The following NRG3 variants were observed in gnomAD, a reference collection of about 807,000 sequenced individuals.
NRG3 encodes pro-neuregulin-3, membrane-bound isoform.
Under a neutral mutation model 66.9 loss-of-function variants are expected in NRG3, and 31 were observed. The observed-to-expected ratio is 0.46, with a 90% confidence interval of 0.35 to 0.63. The LOEUF (loss-of-function observed/expected upper bound fraction) is 0.63, where lower values mean the gene tolerates loss of function less well. Ranked by LOEUF, NRG3 falls within the 20% of genes least tolerant of loss-of-function variation. The probability of loss-of-function intolerance (pLI) is 0.00; values close to 1 mark genes in which losing one functional copy is unlikely to be tolerated. For missense variants in NRG3, 910 were observed against 878.9 expected (o/e 1.04, Z -0.45); for synonymous variants, 393 against 359.4 (o/e 1.09, Z -1.06).
chr10:81,885,007 GTACAACGGATCTC>G (rs1428590051), intron 1 of NRG3, among the ~76,000 whole-genome samples: 14 of 152,182 alleles, frequency 9.2e-5, no homozygotes, highest in Middle Eastern at 3.4e-3. Flanking sequence ...GTACTATGTT[GTACAACGGATCTC>G]TAGAACTTAT....
chr10:82,860,438 G>A (rs1371362334), intron 3 of NRG3, among the ~76,000 whole-genome samples: 4 of 152,132 alleles, frequency 2.6e-5, no homozygotes, highest in African/African-American at 9.7e-5. Context: ...TAAACTTTGA[G>A]TATAACTGGT....
intron 2 of NRG3, among the ~76,000 whole-genome samples, chr10:82,578,887 A>T (rs1260820051): frequency 6.6e-6 from 1 of 151,924 alleles, no homozygotes; most frequent in Non-Finnish European, 1.5e-5. Context: ...GTTCAAATTA[A>T]CTTATTCTAC....
chr10:82,236,010 A>G (rs1364428025), intron 1 of NRG3, among the ~76,000 whole-genome samples: 1 of 152,046 alleles, frequency 6.6e-6, no homozygotes, highest in East Asian at 1.9e-4. Flanking sequence ...ACACAGACAC[A>G]CACACACATA....
At chr10:81,980,155 T>A (rs2060281012) in intron 1 of NRG3, among the ~76,000 whole-genome samples, 1 of 152,210 alleles carries the variant, frequency 6.6e-6, no homozygotes, top group Non-Finnish European at 1.5e-5. Flanking sequence ...TTTAATTGTA[T>A]CTTGATAAAG....
At chr10:82,389,434 AC>A (rs1554904472) in intron 2 of NRG3, among the ~76,000 whole-genome samples, 4 of 152,282 alleles carry the variant, frequency 2.6e-5, no homozygotes, top group East Asian at 1.9e-4. Flanking sequence ...ATTTTACTTC[AC>A]ATTCTCATAT....
intron 1 of NRG3, among the ~76,000 whole-genome samples, chr10:82,133,623 G>A (rs2069102362): frequency 6.6e-6 from 1 of 152,090 alleles, no homozygotes; most frequent in Non-Finnish European, 1.5e-5. Flanking sequence ...AGTATTCCAT[G>A]GTGTATATGT....
intron 8 of NRG3, among the ~76,000 whole-genome samples, chr10:82,979,361 C>T (rs537044173): frequency 6.6e-6 from 1 of 151,712 alleles, no homozygotes; most frequent in South Asian, 2.1e-4. Context: ...GTAAGTGTAG[C>T]TCTCTAGGCA....
intron 5 of NRG3, among the ~76,000 whole-genome samples, chr10:82,952,828 A>G (rs1849671669): frequency 6.6e-6 from 1 of 151,962 alleles, no homozygotes; most frequent in Admixed American, 6.5e-5. Flanking sequence ...TTAAAATAAC[A>G]GAAACTTGAG....
intron 1 of NRG3, among the ~76,000 whole-genome samples, chr10:82,078,943 A>C (rs1243825286): frequency 6.6e-6 from 1 of 152,210 alleles, no homozygotes; most frequent in African/African-American, 2.4e-5. Flanking sequence ...TGGATTTTGC[A>C]AACAGTGGTG....
At chr10:82,217,499 G>T (rs1456346646) in intron 1 of NRG3, among the ~76,000 whole-genome samples, 2 of 152,148 alleles carry the variant, frequency 1.3e-5, no homozygotes, top group Non-Finnish European at 2.9e-5. Flanking sequence ...TCCACCTAAT[G>T]CTTGAGAAGC....
At chr10:82,672,304 G>A (rs2053346532) in intron 2 of NRG3, among the ~76,000 whole-genome samples, 1 of 152,214 alleles carries the variant, frequency 6.6e-6, no homozygotes, top group Non-Finnish European at 1.5e-5. Flanking sequence ...CAGAGCACAG[G>A]AGAGGGGTGG....
At chr10:82,660,801 C>A (rs2052298233) in intron 2 of NRG3, among the ~76,000 whole-genome samples, 1 of 152,008 alleles carries the variant, frequency 6.6e-6, no homozygotes, top group Non-Finnish European at 1.5e-5. Context: ...CACTTCTTAT[C>A]AGTTTAATTT....
At position 82,569,662 on chromosome 10, in the gene NRG3, A is replaced by G. The variant is rs1205520932; in HGVS notation, c.954-168915A>G. Among the ~76,000 whole-genome samples the G allele has an allele frequency of 7.9e-5, 12 of 151,756 alleles. 1 individual carries two copies. The South Asian group carries it at 2.3e-3, about 29-fold the overall frequency. ...ATTTTATCTTTCTGGTTTTCTGCCT[A>G]TGTCTCCTTTAGCTGACCAGTACAG... On this transcript the variant is annotated intron_variant, in intron 2 of 8. Coordinates refer to ENST00000372141, the MANE Select transcript of NRG3 (RefSeq NM_001010848.4).
At chr10:82,889,043 G>A (rs898189084) in intron 4 of NRG3, among the ~76,000 whole-genome samples, 7 of 152,246 alleles carry the variant, frequency 4.6e-5, no homozygotes, top group East Asian at 1.9e-4. Context: ...GTTATAGTAA[G>A]GAATTTGGTT....
rs2063133126 is a variant in NRG3 at position 82,842,935 on chromosome 10, T to A, written c.1028-22476T>A. Among the ~76,000 whole-genome samples, 3 of 152,334 alleles carry A rather than the reference T, an allele frequency of 2.0e-5. No individual in the cohort carries two copies. The South Asian group carries it at 6.2e-4, about 32-fold the overall frequency. On this transcript the variant is annotated intron_variant, in intron 3 of 8. Coordinates refer to ENST00000372141, the MANE Select transcript of NRG3 (RefSeq NM_001010848.4). The stretch of plus-strand genomic sequence containing the variant: ...GCACACCTATGATAAAGTTAATTTA[T>A]AAATTAGGCACAGTAAGAGATTAAC...
At chr10:82,592,843 G>T (rs1268235002) in intron 2 of NRG3, among the ~76,000 whole-genome samples, 2 of 152,152 alleles carry the variant, frequency 1.3e-5, no homozygotes, top group Non-Finnish European at 2.9e-5. Context: ...GCTGGGACAG[G>T]GGTTTAAACC....
intron 1 of NRG3, among the ~76,000 whole-genome samples, chr10:82,031,933 T>C (rs1020657075): frequency 6.6e-6 from 1 of 151,998 alleles, no homozygotes; most frequent in African/African-American, 2.4e-5. Context: ...TCAATAATTT[T>C]TTCACCTCCA....
At chr10:82,002,448 T>A (rs938479303) in intron 1 of NRG3, among the ~76,000 whole-genome samples, 1 of 152,214 alleles carries the variant, frequency 6.6e-6, no homozygotes, top group Non-Finnish European at 1.5e-5. Flanking sequence ...TAGAAAAATG[T>A]AAAATTTTTA....
At chr10:82,107,231 G>C (rs2067123019) in intron 1 of NRG3, among the ~76,000 whole-genome samples, 1 of 152,128 alleles carries the variant, frequency 6.6e-6, no homozygotes, top group African/African-American at 2.4e-5. Flanking sequence ...TTAATCTCAT[G>C]TCGGCATTCA....
Sources: allele counts gnomAD v4.1 joint callset (sites outside exome capture counted in the v4.1 genomes callset), GRCh38; gene constraint gnomAD v4.1.1; transcripts MANE v1.5; gene names NCBI Gene and HGNC (gene_info 2026-07-23, HGNC 2026-07-21).